LARP4B: variants seen among roughly 807,000 people sequenced by gnomAD.
The protein encoded by LARP4B is La ribonucleoprotein 4B.
LARP4B carries 12 observed loss-of-function variants against 89.8 expected under a neutral mutation model. The observed-to-expected ratio is 0.13, with a 90% CI of 0.09 to 0.22. The LOEUF is 0.22. Among genes scored for constraint, LARP4B ranks in the 10% least tolerant of loss-of-function variants. The pLI is 1.00. For synonymous variants in LARP4B, 367 were observed against 363.3 expected, an observed-to-expected ratio of 1.01 and a Z score of -0.12; for missense variants, 757 against 947.7, an observed-to-expected ratio of 0.80 and a Z score of 2.64.
chr10:852,225 AC>A (rs1260342237), intron 5 of LARP4B, among the ~76,000 whole-genome samples: 1 of 152,228 alleles, frequency 6.6e-6, no homozygotes, highest in Non-Finnish European at 1.5e-5. Context: ...AAAACTAGAA[AC>A]CAAGATCCCA....
the LARP4B span, among the ~76,000 whole-genome samples, chr10:962,253 AC>A: frequency 2.0e-5 from 3 of 146,594 alleles, no homozygotes; most frequent in East Asian, 4.0e-4. Context: ...CCAAGATCAC[AC>A]CATTGGGACT....
At chr10:849,569 G>A (rs1025856534) in intron 5 of LARP4B, among the ~76,000 whole-genome samples, 2 of 152,174 alleles carry the variant, frequency 1.3e-5, no homozygotes, top group African/African-American at 4.8e-5. Flanking sequence ...AATTTACGAA[G>A]ATTCGTGTCC....
intron 6 of LARP4B, 105 bp downstream of exon 6, chr10:844,872 G>T: frequency 1.2e-5 from 9 of 737,646 alleles, no homozygotes; most frequent in Non-Finnish European, 1.8e-5. Context: ...CATATATATG[G>T]ATATGAGTAG....
chr10:841,173 G>A lies in LARP4B; in HGVS notation c.646+1759C>T, dbSNP rs141439320. On this transcript the variant is annotated intron_variant, in intron 7 of 17. Coordinates refer to ENST00000316157, the MANE Select transcript of LARP4B (RefSeq NM_015155.3). ...ATCTCAAAAATAAATAAATTCATTCGTCCATTCAACTTAATTTAAAAAAAA... is the reference window on the plus strand; with the variant it reads ...ATCTCAAAAATAAATAAATTCATTCATCCATTCAACTTAATTTAAAAAAAA... 5.5e-3 allele frequency among the ~76,000 whole-genome samples: 839 copies of A among 152,008 alleles called. 6 individuals carry two copies. Among genetic ancestry groups the A allele is most frequent in the African/African-American group, 0.019 (783 of 41,460 alleles).
intron 1 of LARP4B, among the ~76,000 whole-genome samples, chr10:926,297 G>A (rs1837130941): frequency 6.6e-6 from 1 of 152,212 alleles, no homozygotes; most frequent in African/African-American, 2.4e-5. Context: ...AAAGCAGTCT[G>A]GAGGACTCCT....
rs1832432561 is a variant in LARP4B at position 822,921 on chromosome 10, C to CAGG, written c.1485-2079_1485-2077dup. 6.6e-6 allele frequency among the ~76,000 whole-genome samples: 1 copy of CAGG among 152,198 alleles called. No individual in the cohort carries two copies. ...GTCTGGACTCTGGTAAGGGGTTCTC[C>CAGG]AGGACATCTTAGCACTTTGGTCCAA... On this transcript the variant is annotated intron_variant, in intron 13 of 17. Transcript: ENST00000316157. The surrounding 1 kb of genome is among the most constrained non-coding windows in gnomAD (Gnocchi z 4.6).
intron 11 of LARP4B, among the ~76,000 whole-genome samples, chr10:827,193 G>A (rs1022712860): frequency 1.5e-4 from 23 of 152,142 alleles, no homozygotes; most frequent in Middle Eastern, 3.4e-3. Context: ...GGAGAATGGC[G>A]TGAACCCGGG....
intron 3 of LARP4B, among the ~76,000 whole-genome samples, chr10:874,216 A>G (rs1835362007): frequency 6.6e-6 from 1 of 151,302 alleles, no homozygotes; most frequent in African/African-American, 2.4e-5. Flanking sequence ...CCTGGGTGAC[A>G]AGAGTGAGAC....
intron 1 of LARP4B, among the ~76,000 whole-genome samples, chr10:902,877 A>G (rs1457854767): frequency 6.6e-6 from 1 of 152,140 alleles, no homozygotes; most frequent in Non-Finnish European, 1.5e-5. Flanking sequence ...CCTGACCTCA[A>G]GTGATCCCGC....
At chr10:866,091 G>C (rs1834884782) in intron 3 of LARP4B, among the ~76,000 whole-genome samples, 1 of 152,248 alleles carries the variant, frequency 6.6e-6, no homozygotes, top group Non-Finnish European at 1.5e-5. Context: ...GAAACTGAGA[G>C]AAGGCAGCTG....
chr10:875,832 A>G (rs1477751029), intron 3 of LARP4B, among the ~76,000 whole-genome samples: 3 of 152,220 alleles, frequency 2.0e-5, no homozygotes, highest in Non-Finnish European at 2.9e-5. Flanking sequence ...TTTGGGGGAC[A>G]CATGAAAAAC....
intron 6 of LARP4B, among the ~76,000 whole-genome samples, chr10:844,115 G>A (rs1418919447): frequency 1.3e-5 from 2 of 152,228 alleles, no homozygotes; most frequent in Non-Finnish European, 2.9e-5. Context: ...CCGATCAAAC[G>A]GAGGCCATGC....
In LARP4B at chr10:814,004, T is replaced by C. The variant is rs1564375285; in HGVS notation, c.1929+738A>G. Among the ~76,000 whole-genome samples the C allele has an allele frequency of 6.6e-6, 1 of 152,088 alleles. No homozygotes were observed. The highest frequency in any genetic ancestry group is 6.5e-5 in the Admixed American group (1 of 15,274). ...TTTCAGTAGAGACAGGGTTTCACCA[T>C]GTTGTTCAGGACTGTCTGGATCTCC... On this transcript the variant is annotated intron_variant, in intron 17 of 17. Coordinates refer to ENST00000316157, the MANE Select transcript of LARP4B (RefSeq NM_015155.3). The surrounding 1 kb of genome is among the most constrained non-coding windows in gnomAD (Gnocchi z 4.4).
chr10:974,458 G>A, the LARP4B span, among the ~76,000 whole-genome samples: 2 of 152,204 alleles, frequency 1.3e-5, no homozygotes, highest in Non-Finnish European at 2.9e-5. Context: ...CCCACGGCCT[G>A]TGTGCTCTCA....
intron 1 of LARP4B, among the ~76,000 whole-genome samples, chr10:897,059 C>T (rs1836208797): frequency 6.6e-6 from 1 of 150,868 alleles, no homozygotes; most frequent in African/African-American, 2.4e-5. Context: ...TGCAAGGGAC[C>T]CAGAATAGCC....
At chr10:861,793 C>G (rs1349280794) in intron 5 of LARP4B, among the ~76,000 whole-genome samples, 1 of 152,200 alleles carries the variant, frequency 6.6e-6, no homozygotes, top group African/African-American at 2.4e-5. Context: ...TGTATAAATT[C>G]TGACCCCAGT....
intron 8 of LARP4B, among the ~76,000 whole-genome samples, chr10:834,440 A>G (rs1173671549): frequency 6.6e-6 from 1 of 152,234 alleles, no homozygotes; most frequent in Non-Finnish European, 1.5e-5. Flanking sequence ...AAATGTACTA[A>G]TCACTGACAA....
intron 3 of LARP4B, among the ~76,000 whole-genome samples, chr10:874,873 C>A (rs1276540055): frequency 6.6e-6 from 1 of 152,094 alleles, no homozygotes; most frequent in Non-Finnish European, 1.5e-5. Flanking sequence ...GTAGTCAACA[C>A]TTTATATAGC....
chr10:937,851 A>T, the LARP4B span, among the ~76,000 whole-genome samples: 1 of 152,140 alleles, frequency 6.6e-6, no homozygotes, highest in Non-Finnish European at 1.5e-5. Flanking sequence ...GCTGTGATTA[A>T]CATTACTGGA....
Sources: allele counts gnomAD v4.1 joint callset (sites outside exome capture counted in the v4.1 genomes callset), GRCh38; gene constraint gnomAD v4.1.1; non-coding constraint Gnocchi (gnomAD v3.1); transcripts MANE v1.5; gene names NCBI Gene and HGNC (gene_info 2026-07-23, HGNC 2026-07-21).